AXDND1: variants seen among roughly 807,000 people sequenced by gnomAD.
AXDND1 encodes axonemal dynein light chain domain containing 1, also known as axonemal dynein light chain domain-containing protein 1.
Under a neutral mutation model 137.5 loss-of-function variants are expected in AXDND1, and 110 were observed. The ratio of observed to expected loss-of-function variants is 0.80; its 90% confidence interval spans 0.69 to 0.94. AXDND1 has a LOEUF of 0.94. AXDND1 is among the 40% of genes least tolerant of loss of function. The pLI, the probability that AXDND1 is intolerant of heterozygous loss-of-function variation, is 0.00. For missense variants in AXDND1, 1,191 were observed against 1,169.8 expected, an observed-to-expected ratio of 1.02 and a Z score of -0.26; for synonymous variants, 414 against 399.7, an observed-to-expected ratio of 1.04 and a Z score of -0.43.
At chr1:179,407,090 T>C (rs1653087236) in intron 11 of AXDND1, among the ~76,000 whole-genome samples, 1 of 151,396 alleles carries the variant, frequency 6.6e-6, no homozygotes, top group East Asian at 1.9e-4. Context: ...TTTCTAAATA[T>C]AGGACTACCT....
At chr1:179,490,789 C>T (rs536183654) in intron 18 of AXDND1, among the ~76,000 whole-genome samples, 1 of 150,446 alleles carries the variant, frequency 6.6e-6, no homozygotes, top group Admixed American at 6.6e-5. Flanking sequence ...CACACAACCA[C>T]CAATCAAACC....
intron 16 of AXDND1, chr1:179,448,996 C>A (rs1660133839): frequency 6.3e-6 from 2 of 318,512 alleles, no homozygotes; most frequent in South Asian, 2.3e-5. Flanking sequence ...AAGCAATCCT[C>A]CCACCTCAAC....
At chr1:179,505,131 T>C (rs1668407059) in intron 20 of AXDND1, among the ~76,000 whole-genome samples, 2 of 152,218 alleles carry the variant, frequency 1.3e-5, no homozygotes, top group Non-Finnish European at 2.9e-5. Flanking sequence ...CATCAGACTT[T>C]GGGATTTCTA....
chr1:179,385,360 G>C lies in AXDND1; in HGVS notation c.863+1G>C. ...GAGGAGAACTTCTGTCTAAAGTCAG[G>C]TTAGTGCTGTTATTGGAATGGTCCA... On this transcript the variant is annotated splice_donor_variant, in intron 9 of 25. Transcript: ENST00000367618. LOFTEE classifies it high-confidence loss of function. 1 of 1,613,990 alleles carries C rather than the reference G, an allele frequency of 6.2e-7. No individual in the cohort carries two copies. The highest frequency in any genetic ancestry group is 8.5e-7 in the Non-Finnish European group (1 of 1,179,964).
chr1:179,379,128 G>C (rs1385346148), intron 5 of AXDND1, among the ~76,000 whole-genome samples: 1 of 152,028 alleles, frequency 6.6e-6, no homozygotes, highest in Non-Finnish European at 1.5e-5. Context: ...TAAAGGAAAG[G>C]AATCAATAAA....
intron 12 of AXDND1, among the ~76,000 whole-genome samples, chr1:179,420,291 C>G (rs1424830104): frequency 2.6e-5 from 4 of 152,132 alleles, no homozygotes; most frequent in Non-Finnish European, 5.9e-5. Context: ...TGAGATGAAT[C>G]CCACTTGATC....
chr1:179,426,263 G>T (rs1327142831), intron 12 of AXDND1, among the ~76,000 whole-genome samples: 1 of 152,086 alleles, frequency 6.6e-6, no homozygotes, highest in Non-Finnish European at 1.5e-5. Context: ...TAAAGTGGTA[G>T]AATAAATAAA....
intron 12 of AXDND1, among the ~76,000 whole-genome samples, chr1:179,423,313 C>T (rs1656051835): frequency 6.6e-6 from 1 of 151,946 alleles, no homozygotes; most frequent in Non-Finnish European, 1.5e-5. Context: ...CATAAACTTT[C>T]AGTATGTATG....
rs563442388 is a variant in AXDND1, at chr1:179,499,710, CT to C, written c.2388+6763del. Among the ~76,000 whole-genome samples the C allele has an allele frequency of 2.1e-3, 326 of 152,076 alleles. 5 individuals carry two copies. The highest frequency in any genetic ancestry group is 2.6e-3 in the Admixed American group (40 of 15,276). On this transcript the variant is annotated intron_variant, in intron 20 of 25. Transcript: ENST00000367618. ...CTGCTAAAAGACTAAAATTGGGAAGCTTTTGGCAAGATTAATTAAGACAAAA... is the reference window on the plus strand; with the variant it reads ...CTGCTAAAAGACTAAAATTGGGAAGCTTTGGCAAGATTAATTAAGACAAAA...
intron 25 of AXDND1, among the ~76,000 whole-genome samples, chr1:179,549,622 A>C (rs544230702): frequency 1.1e-4 from 17 of 152,210 alleles, no homozygotes; most frequent in Admixed American, 5.2e-4. Flanking sequence ...GTTATGCCTG[A>C]CCCAGCATGA....
At position 179,509,355 on chromosome 1, in the gene AXDND1, A is replaced by G; in HGVS notation, c.2448A>G (p.Arg816=). ...CSCLLSNIKG[R]KITLLTYEEI... is the part of the protein sequence containing the mutation. ...GCCTCCTTTCTAATATCAAAGGCAG[A>G]AAAATTACATTATTGACATATGAAG... Residue 816 remains arginine, a synonymous_variant, in exon 21 of 26, where the codon AGA becomes AGG. Transcript: ENST00000367618. 12 of 1,612,918 alleles carry G rather than the reference A, an allele frequency of 7.4e-6. No homozygotes were observed. The highest frequency in any genetic ancestry group is 1.0e-5 in the Non-Finnish European group (12 of 1,179,044).
chr1:179,481,933 T>C (rs1665445961), intron 17 of AXDND1, among the ~76,000 whole-genome samples: 1 of 152,120 alleles, frequency 6.6e-6, no homozygotes, highest in Non-Finnish European at 1.5e-5. Flanking sequence ...GCCTGGTTGT[T>C]TCCTGCAAAC....
At chr1:179,514,936 T>C (rs1669393404) in intron 21 of AXDND1, among the ~76,000 whole-genome samples, 1 of 152,178 alleles carries the variant, frequency 6.6e-6, no homozygotes, top group Non-Finnish European at 1.5e-5. Context: ...AACCTTTTTA[T>C]TTCAGTTTAT....
chr1:179,424,504 T>G (rs1053793641), intron 12 of AXDND1, among the ~76,000 whole-genome samples: 4 of 150,708 alleles, frequency 2.7e-5, no homozygotes, highest in African/African-American at 9.8e-5. Context: ...CTCTGCTCAC[T>G]GCAACCTCTG....
chr1:179,532,514 T>C (rs1208303133), intron 23 of AXDND1, among the ~76,000 whole-genome samples: 1 of 152,060 alleles, frequency 6.6e-6, no homozygotes, highest in Admixed American at 6.6e-5. Context: ...TCCAAACAAG[T>C]TACCCAAAAG....
At chr1:179,475,281 C>G (rs1664471244) in intron 17 of AXDND1, among the ~76,000 whole-genome samples, 1 of 152,202 alleles carries the variant, frequency 6.6e-6, no homozygotes, top group African/African-American at 2.4e-5. Flanking sequence ...TCCTCCAGAC[C>G]TCAGAATAGT....
chr1:179,456,659 G>A (rs1661453782), intron 16 of AXDND1: 1 of 840,970 alleles, frequency 1.2e-6, no homozygotes. Flanking sequence ...TGCCACCAAA[G>A]CCATCATGAC....
intron 16 of AXDND1, among the ~76,000 whole-genome samples, chr1:179,465,800 C>G (rs144467123): frequency 0.063 from 9,561 of 152,256 alleles, 356 homozygotes; most frequent in African/African-American, 0.07. Flanking sequence ...GCTTTGTTTA[C>G]CTACTCAAGC....
At chr1:179,480,804 A>T (rs2125532016) in intron 17 of AXDND1, among the ~76,000 whole-genome samples, 1 of 152,114 alleles carries the variant, frequency 6.6e-6, no homozygotes, top group Admixed American at 6.5e-5. Context: ...GTCACCCTGC[A>T]GTGACAGTGG....
Sources: gnomAD v4.1 joint callset for allele counts (sites outside exome capture counted in the v4.1 genomes callset) on GRCh38, gnomAD v4.1.1 for gene constraint, MANE v1.5 for transcripts, NCBI Gene and HGNC (gene_info 2026-07-23, HGNC 2026-07-21) for gene names.